TLE4: variants seen among roughly 807,000 people sequenced by gnomAD.
TLE4 encodes TLE family member 4, transcriptional corepressor.
Under a neutral mutation model 92.8 loss-of-function variants are expected in TLE4, and 8 were observed. That is an observed-to-expected ratio of 0.09 (90% CI 0.05 to 0.16). The LOEUF (loss-of-function observed/expected upper bound fraction) is 0.16, where lower values mean the gene tolerates loss of function less well. Among genes scored for constraint, TLE4 ranks in the 10% least tolerant of loss-of-function variants. The probability of loss-of-function intolerance (pLI) is 1.00; values close to 1 mark genes in which losing one functional copy is unlikely to be tolerated. For missense variants in TLE4, 675 were observed against 997.6 expected, an observed-to-expected ratio of 0.68 and a Z score of 4.36; for synonymous variants, 371 against 374.1, an observed-to-expected ratio of 0.99 and a Z score of 0.10.
chr9:79,653,994 C>G, intron 7 of TLE4, 65 bp from the exon 8 acceptor site: 1 of 1,547,810 alleles, frequency 6.5e-7, no homozygotes, highest in Non-Finnish European at 8.9e-7. Context: ...TGTAAACTAA[C>G]TAGTACTTTT....
intron 8 of TLE4, among the ~76,000 whole-genome samples, chr9:79,700,164 C>A (rs1448043841): frequency 1.3e-5 from 2 of 150,292 alleles, no homozygotes; most frequent in African/African-American, 2.5e-5. Context: ...GCCCGTGGGG[C>A]TGAGAATGGT....
At chr9:79,620,117 C>T (rs1268522544) in intron 5 of TLE4, among the ~76,000 whole-genome samples, 2 of 152,132 alleles carry the variant, frequency 1.3e-5, no homozygotes, top group Non-Finnish European at 2.9e-5. Context: ...ATCTGTATGT[C>T]TCAACAAATT....
At position 79,720,131 on chromosome 9, in the gene TLE4, T is replaced by C; in HGVS notation, c.1676T>C (p.Ile559Thr). ...IVGGEASTLS[I>T]WDLAAPTPRI... is the part of the protein sequence containing the mutation. ...GGAGGGGAAGCCAGTACTTTGTCCA[T>C]TTGGGACCTGGCGGCTCCAACCCCA... The change falls in exon 16 of 20, where the codon ATT becomes ACT. Residue 559 changes from isoleucine (I) to threonine (T), a missense_variant. Transcript: ENST00000376552. 1 of 1,614,168 alleles carries C rather than the reference T, an allele frequency of 6.2e-7. No individual in the cohort carries two copies. Among genetic ancestry groups the C allele is most frequent in the Non-Finnish European group, 8.5e-7 (1 of 1,180,030 alleles).
chr9:79,660,475 T>A (rs2060369785), intron 8 of TLE4, among the ~76,000 whole-genome samples: 1 of 152,366 alleles, frequency 6.6e-6, no homozygotes, highest in East Asian at 1.9e-4. Flanking sequence ...TTTAACGTTA[T>A]AACTCTTTCA....
chr9:79,598,251 AAAAAAAAAAAAG>A (rs2044594390), intron 4 of TLE4, among the ~76,000 whole-genome samples: 1 of 150,646 alleles, frequency 6.6e-6, no homozygotes, highest in Non-Finnish European at 1.5e-5. Context: ...TCCGTCTCAA[AAAAAAAAAAAAG>A]AAAAAAAAAA....
chr9:79,635,962 C>T (rs1394023655), intron 6 of TLE4, among the ~76,000 whole-genome samples: 1 of 152,154 alleles, frequency 6.6e-6, no homozygotes, highest in African/African-American at 2.4e-5. Context: ...TGCTCCACCT[C>T]CTAACATTTC....
intron 8 of TLE4, among the ~76,000 whole-genome samples, chr9:79,703,137 T>G (rs2070439892): frequency 1.3e-5 from 2 of 152,206 alleles, no homozygotes; most frequent in South Asian, 4.1e-4. Flanking sequence ...TGACCAGTTT[T>G]CTGAATTGAT....
chr9:79,597,877 C>T (rs12337691), intron 4 of TLE4, among the ~76,000 whole-genome samples: 2 of 152,022 alleles, frequency 1.3e-5, no homozygotes, highest in Non-Finnish European at 2.9e-5. Context: ...AGTGAAATAT[C>T]TGGCACAGAG....
intron 8 of TLE4, among the ~76,000 whole-genome samples, chr9:79,695,931 C>T (rs891190271): frequency 1.3e-5 from 2 of 152,172 alleles, no homozygotes; most frequent in African/African-American, 4.8e-5. Context: ...AGAAGGTGGG[C>T]AGGAGCTAGA....
chr9:79,657,195 G>C (rs2059903076), intron 8 of TLE4, among the ~76,000 whole-genome samples: 1 of 152,170 alleles, frequency 6.6e-6, no homozygotes, highest in East Asian at 1.9e-4. Flanking sequence ...TGGCTGTCCA[G>C]TGACTCCATG....
chr9:79,616,013 G>A lies in TLE4; in HGVS notation c.315+3295G>A, dbSNP rs1442358213. On this transcript the variant is annotated intron_variant, in intron 5 of 19. Transcript: ENST00000376552. The stretch of plus-strand genomic sequence containing the variant: ...TGTGAACCCTCATCTGTCCCAAGCT[G>A]TTCTTTTCTCTCACTTCACTTTTTA... Among the ~76,000 whole-genome samples the A allele has an allele frequency of 7.2e-5, 11 of 152,090 alleles. 1 individual carries two copies. Among genetic ancestry groups the A allele is most frequent in the Admixed American group, 7.2e-4 (11 of 15,256 alleles).
intron 16 of TLE4, 84 bp downstream of exon 16, chr9:79,720,377 GGTGTGTGTGTGT>G (rs71364488): frequency 1.7e-4 from 53 of 316,580 alleles, no homozygotes; most frequent in Middle Eastern, 9.1e-4. Flanking sequence ...TATAGGTATG[GGTGTGTGTGTGT>G]GTGTGTGTGT....
chr9:79,631,298 G>A (rs1048796718), intron 6 of TLE4, among the ~76,000 whole-genome samples: 1 of 152,124 alleles, frequency 6.6e-6, no homozygotes, highest in African/African-American at 2.4e-5. Context: ...TGGTGCTGAT[G>A]GAATAGTTCA....
At chr9:79,578,325 G>A (rs1055820400) in intron 4 of TLE4, among the ~76,000 whole-genome samples, 2 of 152,092 alleles carry the variant, frequency 1.3e-5, no homozygotes, top group Non-Finnish European at 2.9e-5. Flanking sequence ...TAGGAGTCCC[G>A]GGAGCCCTTG....
At chr9:79,590,329 T>C (rs1333648259) in intron 4 of TLE4, among the ~76,000 whole-genome samples, 2 of 152,218 alleles carry the variant, frequency 1.3e-5, no homozygotes, top group South Asian at 2.1e-4. Flanking sequence ...TGTGTGCTTC[T>C]TAAGCTTCCA....
At chr9:79,668,867 A>C in intron 8 of TLE4, 1 of 981,786 alleles carries the variant, frequency 1.0e-6, no homozygotes, top group Non-Finnish European at 1.2e-6. Flanking sequence ...ATTTTTAGTG[A>C]AATAGCAAAA....
At chr9:79,647,071 G>A (rs754350009) in intron 6 of TLE4, among the ~76,000 whole-genome samples, 2 of 152,112 alleles carry the variant, frequency 1.3e-5, no homozygotes, top group East Asian at 1.9e-4. Flanking sequence ...TAAATGCAAC[G>A]TTGTATGCTG....
At chr9:79,703,340 A>T (rs759179340) in intron 8 of TLE4, among the ~76,000 whole-genome samples, 4 of 152,098 alleles carry the variant, frequency 2.6e-5, no homozygotes, top group Non-Finnish European at 5.9e-5. Context: ...TTTGCCATTC[A>T]CCACTCAGCA....
intron 6 of TLE4, among the ~76,000 whole-genome samples, chr9:79,633,068 T>G (rs1382596711): frequency 5.9e-5 from 9 of 152,202 alleles, no homozygotes; most frequent in Non-Finnish European, 1.3e-4. Context: ...AACTGGTTCA[T>G]TTGCCATGGA....
Sources: gnomAD v4.1 joint callset for allele counts (sites outside exome capture counted in the v4.1 genomes callset) on GRCh38, gnomAD v4.1.1 for gene constraint, MANE v1.5 for transcripts, NCBI Gene and HGNC (gene_info 2026-07-23, HGNC 2026-07-21) for gene names.